ZNF536: variants seen among roughly 807,000 people sequenced by gnomAD.
ZNF536 encodes the protein zinc finger protein 536.
Under a neutral mutation model 84.5 loss-of-function variants are expected in ZNF536, and 13 were observed. The observed-to-expected ratio is 0.15, with a 90% CI of 0.10 to 0.24. The LOEUF is 0.24. Ranked by LOEUF, ZNF536 falls within the 10% of genes least tolerant of loss-of-function variation. ZNF536 has a pLI of 1.00. For synonymous variants in ZNF536, 811 were observed against 742.5 expected (o/e 1.09, Z -1.50); for missense variants, 1,536 against 1,747.5 (o/e 0.88, Z 2.16).
intron 2 of ZNF536, among the ~76,000 whole-genome samples, chr19:30,498,197 G>A (rs903729326): frequency 5.9e-5 from 9 of 152,138 alleles, no homozygotes; most frequent in East Asian, 5.8e-4. Context: ...ACAAATGACC[G>A]TTAATGATAG....
intron 2 of ZNF536, among the ~76,000 whole-genome samples, chr19:30,515,986 C>T (rs1341659402): frequency 2.9e-5 from 4 of 139,814 alleles, no homozygotes; most frequent in African/African-American, 1.1e-4. Context: ...GAGTTCATGC[C>T]ACTGCACTCC....
chr19:30,251,213 T>G (rs2024590519), intron 1 of ZNF536, among the ~76,000 whole-genome samples: 1 of 152,188 alleles, frequency 6.6e-6, no homozygotes, highest in Non-Finnish European at 1.5e-5. Flanking sequence ...TACATAAGAC[T>G]GTGTGTCTAC....
chr19:30,277,801 T>C (rs1203762261), intron 1 of ZNF536, among the ~76,000 whole-genome samples: 1 of 152,258 alleles, frequency 6.6e-6, no homozygotes, highest in Non-Finnish European at 1.5e-5. Flanking sequence ...GTGCTTGTCC[T>C]CCTCTTTGAG....
At chr19:30,661,030 T>C (rs1198138880) in intron 1 of ZNF536, among the ~76,000 whole-genome samples, 3 of 152,190 alleles carry the variant, frequency 2.0e-5, no homozygotes, top group Non-Finnish European at 4.4e-5. Context: ...AACTGCATCA[T>C]CTCAGAGGCC....
Position 30,426,493 on chromosome 19 carries a change from C to G in ZNF536, c.-2-17068C>G, listed in dbSNP as rs80188705. Among the ~76,000 whole-genome samples, 1,142 of 152,278 alleles carry G rather than the reference C, an allele frequency of 7.5e-3. 13 individuals are homozygous for G. The highest frequency in any genetic ancestry group is 9.9e-3 in the Non-Finnish European group (676 of 68,018). ...TTCTTGCTTGCTTTATCAGGAAAGT[C>G]TTAGGTGAATCTTTACCCTGAAGGT... On this transcript the variant is annotated intron_variant, in intron 1 of 4. Coordinates refer to ENST00000355537, the MANE Select transcript of ZNF536 (RefSeq NM_014717.3).
chr19:30,245,246 C>T (rs1599866285), intron 1 of ZNF536, among the ~76,000 whole-genome samples: 1 of 152,216 alleles, frequency 6.6e-6, no homozygotes, highest in Non-Finnish European at 1.5e-5. Context: ...TTCCTGTCCT[C>T]TTCTATCCTA....
Position 30,449,895 on chromosome 19 carries a change from G to T in ZNF536, c.2170+4163G>T, listed in dbSNP as rs181320174. ...TGGGGCGCTTTCGCATTTACATGGG[G>T]TGTATAGTGATATGATAGATTTTCT... On this transcript the variant is annotated intron_variant, in intron 2 of 4. Transcript: ENST00000355537. 6.9e-3 allele frequency among the ~76,000 whole-genome samples: 1,050 copies of T among 152,204 alleles called. 17 individuals are homozygous for T. Among genetic ancestry groups the T allele is most frequent in the African/African-American group, 0.024 (1,013 of 41,516 alleles).
intron 2 of ZNF536, among the ~76,000 whole-genome samples, chr19:30,521,648 G>A (rs1440044761): frequency 5.9e-5 from 9 of 152,074 alleles, no homozygotes; most frequent in Non-Finnish European, 7.4e-5. Context: ...CACCGGCCAC[G>A]TGCAAAGTAT....
chr19:30,664,840 A>G (rs1490799008), intron 1 of ZNF536, among the ~76,000 whole-genome samples: 1 of 152,052 alleles, frequency 6.6e-6, no homozygotes, highest in African/African-American at 2.4e-5. Context: ...CCCGGCTGGG[A>G]GGGCTGAGGG....
chr19:30,426,487 G>C (rs185349110), intron 1 of ZNF536, among the ~76,000 whole-genome samples: 260 of 152,296 alleles, frequency 1.7e-3, no homozygotes, highest in Admixed American at 3.9e-3. Flanking sequence ...GCTTTATCAG[G>C]AAAGTCTTAG....
intron 1 of ZNF536, among the ~76,000 whole-genome samples, chr19:30,571,598 C>T (rs983203368): frequency 6.6e-6 from 1 of 152,170 alleles, no homozygotes; most frequent in Admixed American, 6.5e-5. Context: ...GTCCATGCCC[C>T]CTTCTTGGTG....
intron 1 of ZNF536, among the ~76,000 whole-genome samples, chr19:30,618,950 G>A (rs2048390901): frequency 6.6e-6 from 1 of 152,068 alleles, no homozygotes; most frequent in Admixed American, 6.5e-5. Context: ...GTGCAGTTTT[G>A]TATAAATTCT....
chr19:30,454,728 A>G (rs930126932), intron 2 of ZNF536, among the ~76,000 whole-genome samples: 4 of 152,020 alleles, frequency 2.6e-5, no homozygotes, highest in African/African-American at 9.7e-5. Flanking sequence ...CTTTTTAGTG[A>G]CCTTCAAAAC....
Position 30,452,458 on chromosome 19 carries a change from C to T in ZNF536, c.2170+6726C>T, listed in dbSNP as rs538456344. Among the ~76,000 whole-genome samples the T allele has an allele frequency of 2.6e-5, 4 of 152,334 alleles. No homozygotes were observed. In the East Asian group the frequency reaches 5.8e-4, roughly 22 times the overall value. Reference sequence around the variant, plus strand: ...TCCCTGAGAAGTTTCTGGCAGGTAGCCCTGATGTCTCAAAGGGGTGGGGAC... The same window carrying T: ...TCCCTGAGAAGTTTCTGGCAGGTAGTCCTGATGTCTCAAAGGGGTGGGGAC... On this transcript the variant is annotated intron_variant, in intron 2 of 4. Transcript: ENST00000355537.
intron 1 of ZNF536, among the ~76,000 whole-genome samples, chr19:30,567,153 A>G (rs1005693976): frequency 1.3e-5 from 2 of 152,250 alleles, no homozygotes; most frequent in Non-Finnish European, 2.9e-5. Context: ...AAAAATAAAG[A>G]AACCAACCAA....
At chr19:30,494,420 A>G (rs1199620619) in intron 2 of ZNF536, among the ~76,000 whole-genome samples, 2 of 152,236 alleles carry the variant, frequency 1.3e-5, no homozygotes, top group African/African-American at 4.8e-5. Flanking sequence ...TTTTGAAGGC[A>G]CCTGGTAAGG....
intron 1 of ZNF536, among the ~76,000 whole-genome samples, chr19:30,593,788 G>T (rs1472188787): frequency 6.6e-6 from 1 of 152,228 alleles, no homozygotes; most frequent in Non-Finnish European, 1.5e-5. Flanking sequence ...AGGTATCAAG[G>T]CTATCTCCTT....
At chr19:30,439,947 T>TTTTC (rs899254162) in intron 1 of ZNF536, among the ~76,000 whole-genome samples, 27 of 143,286 alleles carry the variant, frequency 1.9e-4, no homozygotes, top group South Asian at 1.1e-3. Flanking sequence ...TTTCTTTTCT[T>TTTTC]TTTCTTTCTT....
intron 1 of ZNF536, among the ~76,000 whole-genome samples, chr19:30,379,863 C>A (rs2048957178): frequency 6.6e-6 from 1 of 152,186 alleles, no homozygotes; most frequent in African/African-American, 2.4e-5. Context: ...CTGTGCCAGG[C>A]ACTGTGCTAA....
Sources: gnomAD v4.1 joint callset for allele counts (sites outside exome capture counted in the v4.1 genomes callset) on GRCh38, gnomAD v4.1.1 for gene constraint, MANE v1.5 for transcripts, NCBI Gene and HGNC (gene_info 2026-07-23, HGNC 2026-07-21) for gene names.